The following MDFIC variants were observed in gnomAD, a reference collection of about 807,000 sequenced individuals.
MDFIC encodes MyoD family inhibitor domain containing.
MDFIC carries 17 observed loss-of-function variants against 23.2 expected under a neutral mutation model. That is an observed-to-expected ratio of 0.73 (90% CI 0.50 to 1.10). The LOEUF is 1.10. MDFIC is among the 50% of genes least tolerant of loss of function. MDFIC has a pLI of 0.00. For synonymous variants in MDFIC, 120 were observed against 115.2 expected, an observed-to-expected ratio of 1.04 and a Z score of -0.27; for missense variants, 356 against 316.6, an observed-to-expected ratio of 1.12 and a Z score of -0.95.
intron 2 of MDFIC, among the ~76,000 whole-genome samples, chr7:114,936,590 C>G (rs747817089): frequency 6.6e-6 from 1 of 152,100 alleles, no homozygotes; most frequent in Non-Finnish European, 1.5e-5. Flanking sequence ...AATGCACCAA[C>G]CTGACCAAGA....
chr7:114,960,783 T>G (rs1792975348), intron 3 of MDFIC, among the ~76,000 whole-genome samples: 1 of 152,160 alleles, frequency 6.6e-6, no homozygotes, highest in Non-Finnish European at 1.5e-5. Flanking sequence ...AAATCCCACT[T>G]AAATGATAGT....
At chr7:114,923,489 C>A (rs1267203959) in intron 2 of MDFIC, 2 of 1,537,902 alleles carry the variant, frequency 1.3e-6, no homozygotes, top group Non-Finnish European at 1.7e-6. Context: ...ACTGCCGCAG[C>A]TCTCTGAACA....
intron 4 of MDFIC, among the ~76,000 whole-genome samples, 177 bp from the exon 5 acceptor site, chr7:115,015,511 C>G (rs553208030): frequency 6.6e-6 from 1 of 152,034 alleles, no homozygotes; most frequent in South Asian, 2.1e-4. Context: ...TTCTAAAGAT[C>G]ACTCATCTAG....
intron 3 of MDFIC, among the ~76,000 whole-genome samples, chr7:114,972,726 T>C (rs1793231395): frequency 6.6e-6 from 1 of 152,174 alleles, no homozygotes; most frequent in South Asian, 2.1e-4. Context: ...CCTCCTGGGC[T>C]CAAGCCATCC....
At chr7:115,004,863 C>G (rs763300226) in intron 4 of MDFIC, among the ~76,000 whole-genome samples, 1 of 152,184 alleles carries the variant, frequency 6.6e-6, no homozygotes. Flanking sequence ...TTATATGAAG[C>G]CTACTTTCCA....
At chr7:114,952,392 G>A (rs1356179159) in intron 3 of MDFIC, among the ~76,000 whole-genome samples, 1 of 151,066 alleles carries the variant, frequency 6.6e-6, no homozygotes, top group Non-Finnish European at 1.5e-5. Context: ...CTAGCAAGCT[G>A]AGAATCAGTA....
At chr7:114,923,436 G>A (rs914351244) in intron 2 of MDFIC, 22 of 1,536,690 alleles carry the variant, frequency 1.4e-5, no homozygotes, top group Non-Finnish European at 1.9e-5. Flanking sequence ...CAATGTGTAG[G>A]TTCTGAAGCG....
intron 4 of MDFIC, among the ~76,000 whole-genome samples, chr7:115,010,133 A>G (rs964014222): frequency 5.9e-5 from 9 of 152,186 alleles, no homozygotes; most frequent in African/African-American, 2.2e-4. Flanking sequence ...ATTTTTTTAA[A>G]AAAAGTTTGT....
intron 3 of MDFIC, among the ~76,000 whole-genome samples, chr7:114,972,973 A>T (rs1281345198): frequency 6.6e-6 from 1 of 151,902 alleles, no homozygotes; most frequent in Non-Finnish European, 1.5e-5. Flanking sequence ...CTATTAAGAG[A>T]TTGTTTATAT....
At chr7:114,958,615 G>A (rs1159915952) in intron 3 of MDFIC, among the ~76,000 whole-genome samples, 3 of 152,158 alleles carry the variant, frequency 2.0e-5, no homozygotes, top group Admixed American at 1.3e-4. Context: ...GCCGGGCGTG[G>A]TGGTGCATGC....
intron 3 of MDFIC, among the ~76,000 whole-genome samples, chr7:114,964,743 G>A (rs1039215293): frequency 2.0e-5 from 3 of 152,108 alleles, no homozygotes; most frequent in Non-Finnish European, 4.4e-5. Context: ...TAGAAACAGG[G>A]TTTTCCTGTA....
At chr7:114,953,794 A>G (rs1476871627) in intron 3 of MDFIC, among the ~76,000 whole-genome samples, 1 of 152,212 alleles carries the variant, frequency 6.6e-6, no homozygotes, top group Non-Finnish European at 1.5e-5. Context: ...CTTCTAATAT[A>G]CTTTAAATTG....
intron 2 of MDFIC, chr7:114,923,363 G>T (rs1792129861): frequency 1.5e-6 from 2 of 1,329,738 alleles, no homozygotes; most frequent in South Asian, 2.6e-5. Flanking sequence ...TCCTTTGGTT[G>T]CGAAGAAACA....
intron 4 of MDFIC, among the ~76,000 whole-genome samples, chr7:114,985,932 C>T (rs989823033): frequency 6.6e-6 from 1 of 151,636 alleles, no homozygotes; most frequent in Non-Finnish European, 1.5e-5. Flanking sequence ...TACAAAAATT[C>T]CATGGTTGGA....
At chr7:114,957,268 AT>A (rs368970549) in intron 3 of MDFIC, among the ~76,000 whole-genome samples, 182 of 152,124 alleles carry the variant, frequency 1.2e-3, no homozygotes, top group African/African-American at 4.2e-3. Context: ...GATTTTGCCT[AT>A]TTTTTTCTGA....
At chr7:114,927,303 T>G (rs1315861879) in intron 2 of MDFIC, among the ~76,000 whole-genome samples, 2 of 145,810 alleles carry the variant, frequency 1.4e-5, no homozygotes, top group South Asian at 2.2e-4. Flanking sequence ...TATGTTATAG[T>G]GATAGACTTT....
rs139917077 is a variant in MDFIC, at chr7:114,983,861, A to G, written c.493+4080A>G. Among the ~76,000 whole-genome samples, 684 of 152,196 alleles carry G rather than the reference A, an allele frequency of 4.5e-3. 5 individuals carry two copies. The highest frequency in any genetic ancestry group is 0.016 in the African/African-American group (658 of 41,526). On this transcript the variant is annotated intron_variant, in intron 4 of 4. Transcript: ENST00000393486. ...GGTACTTTTTAAGCGATGTTGATTC[A>G]TATAATTAGAGTGCCTTCTATGTGC...
intron 4 of MDFIC, among the ~76,000 whole-genome samples, chr7:114,991,136 A>T (rs1290508501): frequency 6.6e-6 from 1 of 152,178 alleles, no homozygotes; most frequent in Admixed American, 6.5e-5. Context: ...TGTTGGCTGC[A>T]TAAATGTCTT....
At position 115,018,108 on chromosome 7, in the gene MDFIC, C is replaced by A. The variant is rs1791828684; in HGVS notation, c.*2173C>A. 6.6e-6 allele frequency: 1 copy of A among 151,966 alleles called. No homozygotes were observed. The highest frequency in any genetic ancestry group is 2.4e-5 in the African/African-American group (1 of 41,442). 9.4% of individuals were successfully genotyped at this position (151,966 alleles called of 1,614,324 possible). On this transcript the variant is annotated 3_prime_UTR_variant, in exon 5 of 5. Coordinates refer to ENST00000393486, the MANE Select transcript of MDFIC (RefSeq NM_001166345.3). Reference sequence around the variant, plus strand: ...TATAATTCTGGTAAACAGCTGTCTTCATTTTTCTCCTCTAAAGAACTTAAT... The same window carrying A: ...TATAATTCTGGTAAACAGCTGTCTTAATTTTTCTCCTCTAAAGAACTTAAT...
Sources: allele counts gnomAD v4.1 joint callset (sites outside exome capture counted in the v4.1 genomes callset), GRCh38; gene constraint gnomAD v4.1.1; transcripts MANE v1.5; gene names NCBI Gene and HGNC (gene_info 2026-07-23, HGNC 2026-07-21).